AGBL4: variants seen among roughly 807,000 people sequenced by gnomAD.
AGBL4 encodes AGBL carboxypeptidase 4, also known as cytosolic carboxypeptidase 6.
A neutral mutation model predicts 66.4 loss-of-function variants in AGBL4; 58 were observed. The ratio of observed to expected loss-of-function variants is 0.87; its 90% CI spans 0.71 to 1.09. The LOEUF (loss-of-function observed/expected upper bound fraction) is 1.09, where lower values mean the gene tolerates loss of function less well. Among genes scored for constraint, AGBL4 ranks in the 50% least tolerant of loss-of-function variants. The pLI is 0.00. For missense variants in AGBL4, 579 were observed against 631.0 expected, an observed-to-expected ratio of 0.92 and a Z score of 0.88; for synonymous variants, 234 against 222.9, an observed-to-expected ratio of 1.05 and a Z score of -0.44.
intron 2 of AGBL4, among the ~76,000 whole-genome samples, chr1:49,762,526 C>T (rs1652408965): frequency 1.3e-5 from 2 of 151,920 alleles, no homozygotes; most frequent in African/African-American, 4.8e-5. Flanking sequence ...CATTCTCCTG[C>T]CTCAGCCTCC....
intron 3 of AGBL4, among the ~76,000 whole-genome samples, chr1:49,565,330 A>T (rs559302220): frequency 6.6e-5 from 10 of 152,284 alleles, no homozygotes; most frequent in African/African-American, 2.4e-4. Context: ...TTATGTGTGA[A>T]TTTGATCCTG....
chr1:49,343,111 T>A (rs1430314280), intron 3 of AGBL4, among the ~76,000 whole-genome samples: 1 of 152,128 alleles, frequency 6.6e-6, no homozygotes, highest in African/African-American at 2.4e-5. Context: ...AGGATTTTTG[T>A]TTTTCTTCTC....
chr1:49,465,210 T>TACACAC (rs3054630), intron 3 of AGBL4, among the ~76,000 whole-genome samples: 1,857 of 116,772 alleles, frequency 0.016, 35 homozygotes, highest in Non-Finnish European at 0.019. Context: ...TACCCCTACA[T>TACACAC]ACACACACAC....
intron 2 of AGBL4, among the ~76,000 whole-genome samples, chr1:49,739,947 C>A (rs1650280105): frequency 6.6e-6 from 1 of 152,200 alleles, no homozygotes; most frequent in African/African-American, 2.4e-5. Context: ...ACCGCAAAAA[C>A]ATGTCGAATT....
intron 3 of AGBL4, chr1:49,527,506 C>T (rs912876897): frequency 3.3e-5 from 5 of 152,678 alleles, no homozygotes; most frequent in Admixed American, 6.5e-5. Flanking sequence ...GTACCATTTA[C>T]CTGCAGACTT....
intron 3 of AGBL4, among the ~76,000 whole-genome samples, chr1:49,406,341 C>A (rs1645196706): frequency 1.3e-5 from 2 of 152,082 alleles, no homozygotes; most frequent in Non-Finnish European, 2.9e-5. Flanking sequence ...AAAACCAATG[C>A]AACATTTGGT....
chr1:49,469,271 G>A (rs920205007), intron 3 of AGBL4, among the ~76,000 whole-genome samples: 1 of 151,732 alleles, frequency 6.6e-6, no homozygotes, highest in Non-Finnish European at 1.5e-5. Flanking sequence ...CCTTTAAAAT[G>A]TAGGGAAATA....
At chr1:48,727,988 C>G (rs749845057) in intron 6 of AGBL4, 14 of 1,612,434 alleles carry the variant, frequency 8.7e-6, no homozygotes, top group African/African-American at 1.3e-5. Context: ...TGGAGAGTCT[C>G]TGTGCAATTT....
intron 3 of AGBL4, among the ~76,000 whole-genome samples, chr1:49,310,741 A>T (rs2148459977): frequency 6.6e-6 from 1 of 152,194 alleles, no homozygotes; most frequent in Non-Finnish European, 1.5e-5. Context: ...GAGGCAGCAG[A>T]AAACTGGCTG....
intron 3 of AGBL4, among the ~76,000 whole-genome samples, chr1:49,309,207 T>C (rs1459699769): frequency 6.6e-6 from 1 of 152,158 alleles, no homozygotes; most frequent in African/African-American, 2.4e-5. Context: ...ATTTCATTGC[T>C]ATATTTAACA....
intron 2 of AGBL4, among the ~76,000 whole-genome samples, chr1:49,762,198 G>T (rs1652376689): frequency 6.6e-6 from 1 of 152,092 alleles, no homozygotes; most frequent in Non-Finnish European, 1.5e-5. Context: ...CCCATGAATA[G>T]TGTGTAAGTG....
chr1:49,762,091 C>T (rs1354358411), intron 2 of AGBL4, among the ~76,000 whole-genome samples: 1 of 152,116 alleles, frequency 6.6e-6, no homozygotes, highest in African/African-American at 2.4e-5. Flanking sequence ...TGGATATGAA[C>T]CCAGTAGTGG....
intron 6 of AGBL4, among the ~76,000 whole-genome samples, chr1:48,664,272 G>A (rs1241948338): frequency 1.3e-5 from 2 of 152,152 alleles, no homozygotes; most frequent in Non-Finnish European, 2.9e-5. Context: ...TTCTTTGTTG[G>A]ATGTGCATAC....
At chr1:48,660,919 G>A (rs1476046327) in intron 7 of AGBL4, among the ~76,000 whole-genome samples, 1 of 152,090 alleles carries the variant, frequency 6.6e-6, no homozygotes, top group Non-Finnish European at 1.5e-5. Context: ...TACAGGCTTG[G>A]GAGTTAGCTA....
chr1:49,853,900 A>T (rs1284390333), intron 1 of AGBL4, among the ~76,000 whole-genome samples: 1 of 152,122 alleles, frequency 6.6e-6, no homozygotes, highest in Non-Finnish European at 1.5e-5. Flanking sequence ...ATAATTTATT[A>T]TCAACAGTCC....
intron 3 of AGBL4, among the ~76,000 whole-genome samples, chr1:49,571,087 T>A (rs1372850702): frequency 1.3e-5 from 2 of 151,646 alleles, no homozygotes; most frequent in African/African-American, 2.4e-5. Context: ...TAGTACCATA[T>A]GTATTTTAGG....
At chr1:49,943,277 G>A (rs1440121004) in intron 1 of AGBL4, among the ~76,000 whole-genome samples, 1 of 152,118 alleles carries the variant, frequency 6.6e-6, no homozygotes, top group Non-Finnish European at 1.5e-5. Context: ...GCAGATGGGA[G>A]GCAGGAGTAG....
At chr1:49,368,099 T>C (rs1346912130) in intron 3 of AGBL4, among the ~76,000 whole-genome samples, 1 of 152,206 alleles carries the variant, frequency 6.6e-6, no homozygotes, top group Non-Finnish European at 1.5e-5. Flanking sequence ...CAGTCTGTCA[T>C]TCTTTTATGG....
intron 1 of AGBL4, among the ~76,000 whole-genome samples, chr1:49,967,245 T>C (rs1299705291): frequency 6.6e-6 from 1 of 152,200 alleles, no homozygotes; most frequent in Admixed American, 6.5e-5. Context: ...TTTGCATTTC[T>C]CTAATGACCA....
Sources: allele counts gnomAD v4.1 joint callset (sites outside exome capture counted in the v4.1 genomes callset), GRCh38; gene constraint gnomAD v4.1.1; transcripts MANE v1.5; gene names NCBI Gene and HGNC (gene_info 2026-07-23, HGNC 2026-07-21).